The following RGS7BP variants were observed in gnomAD, a reference collection of about 807,000 sequenced individuals.
RGS7BP encodes regulator of G protein signaling 7-binding protein.
A neutral mutation model predicts 31.3 loss-of-function variants in RGS7BP; 9 were observed. The observed-to-expected ratio is 0.29, with a 90% CI of 0.17 to 0.50. The LOEUF is 0.50. Among genes scored for constraint, RGS7BP ranks in the 20% least tolerant of loss-of-function variants. The pLI is 0.98. For missense variants in RGS7BP, 274 were observed against 322.0 expected, an observed-to-expected ratio of 0.85 and a Z score of 1.14; for synonymous variants, 115 against 120.1, an observed-to-expected ratio of 0.96 and a Z score of 0.28.
chr5:64,516,056 A>C (rs1748965201), intron 2 of RGS7BP, among the ~76,000 whole-genome samples: 2 of 152,250 alleles, frequency 1.3e-5, no homozygotes, highest in South Asian at 4.1e-4. Flanking sequence ...CTCCCAGTTA[A>C]GCCTCCCAAA....
chr5:64,507,812 C>T lies in RGS7BP; in HGVS notation c.267C>T (p.His89=), dbSNP rs763948683. The part of the protein sequence containing the change: ...VSCPSLRAEM[H]KTRTKGCEMA... ...GCCCCTCACTCCGGGCGGAAATGCA[C>T]AAGACAAGAACCAAAGGCTGTGAAA... Residue 89 remains histidine (H), a synonymous_variant, in exon 2 of 6, where the codon CAC becomes CAT. Transcript: ENST00000334025. 5 of 1,613,820 alleles carry T rather than the reference C, an allele frequency of 3.1e-6. No homozygotes were observed. The highest frequency in any genetic ancestry group is 4.2e-6 in the Non-Finnish European group (5 of 1,179,976).
At chr5:64,569,636 GATGT>G (rs1742258318) in intron 2 of RGS7BP, among the ~76,000 whole-genome samples, 1 of 152,102 alleles carries the variant, frequency 6.6e-6, no homozygotes, top group Non-Finnish European at 1.5e-5. Flanking sequence ...TGATTACGTA[GATGT>G]ATGGGACCAC....
At chr5:64,604,352 A>G (rs1314888538) in intron 5 of RGS7BP, among the ~76,000 whole-genome samples, 1 of 152,040 alleles carries the variant, frequency 6.6e-6, no homozygotes, top group Non-Finnish European at 1.5e-5. Context: ...CCTGCCTGGC[A>G]TTCTCATAGC....
chr5:64,538,705 CGCACCATGCCCA>C (rs70983629), intron 2 of RGS7BP, among the ~76,000 whole-genome samples: 6,178 of 151,644 alleles, frequency 0.041, 223 homozygotes, highest in Non-Finnish European at 0.06. Context: ...TACAGGCACC[CGCACCATGCCCA>C]GCTAATTTTT....
In RGS7BP at chr5:64,558,102, C is replaced by A. The variant is rs1741970032; in HGVS notation, c.333-17672C>A. On this transcript the variant is annotated intron_variant, in intron 2 of 5. Transcript: ENST00000334025. The stretch of plus-strand genomic sequence containing the variant: ...GTGCCTGTCATGTGGGATGCCATAT[C>A]ACTGTGGGCCTGGAGCCTCCCATGG... Among the ~76,000 whole-genome samples, 12 of 152,234 alleles carry A rather than the reference C, an allele frequency of 7.9e-5. No individual in the cohort carries two copies. The South Asian group carries it at 2.5e-3, about 32-fold the overall frequency.
chr5:64,598,256 G>A (rs1743127444), intron 4 of RGS7BP, 109 bp from the exon 5 acceptor site: 2 of 687,678 alleles, frequency 2.9e-6, no homozygotes, highest in African/African-American at 1.8e-5. Context: ...TAGAGCTAGT[G>A]CAATTAGACA....
chr5:64,607,594 T>G (rs1243743744), intron 5 of RGS7BP, among the ~76,000 whole-genome samples: 1 of 152,054 alleles, frequency 6.6e-6, no homozygotes, highest in African/African-American at 2.4e-5. Context: ...TAGGGGGTTA[T>G]GGAGACCAAG....
intron 4 of RGS7BP, 71 bp from the exon 5 acceptor site, chr5:64,598,294 A>G (rs1743128380): frequency 4.5e-6 from 4 of 882,110 alleles, no homozygotes; most frequent in Non-Finnish European, 7.8e-6. Context: ...GTTGTCTCAT[A>G]TAACAGATTG....
chr5:64,588,514 GC>G (rs1353851938), intron 3 of RGS7BP, among the ~76,000 whole-genome samples: 1 of 152,104 alleles, frequency 6.6e-6, no homozygotes, highest in African/African-American at 2.4e-5. Context: ...TGGCCCTTTT[GC>G]TCCTCACTGT....
At chr5:64,580,073 T>C (rs1446044827) in intron 3 of RGS7BP, among the ~76,000 whole-genome samples, 3 of 152,184 alleles carry the variant, frequency 2.0e-5, no homozygotes, top group Non-Finnish European at 4.4e-5. Flanking sequence ...GTTAAAAGAA[T>C]AAGAATACTT....
chr5:64,594,625 A>G, intron 3 of RGS7BP, 85 bp from the exon 4 acceptor site: 2 of 1,344,560 alleles, frequency 1.5e-6, no homozygotes, highest in Non-Finnish European at 2.1e-6. Flanking sequence ...AGCATAGCCA[A>G]CCTTAGCACT....
intron 4 of RGS7BP, among the ~76,000 whole-genome samples, chr5:64,597,072 G>A (rs1275343119): frequency 6.6e-6 from 1 of 152,122 alleles, no homozygotes. Flanking sequence ...ATTAAAGGAT[G>A]CATCTGCTTT....
At position 64,575,582 on chromosome 5, in the gene RGS7BP, C is replaced by T. The variant is rs1485679207; in HGVS notation, c.333-192C>T. On this transcript the variant is annotated intron_variant, in intron 2 of 5. Transcript: ENST00000334025. ...TGCTGAAGGGGAAAAAAATTAAGAA[C>T]TGTTAGTCAGAAAGAGACTTACATA... 2.9e-6 allele frequency: 3 copies of T among 1,041,216 alleles called. No individual in the cohort carries two copies. The African/African-American group carries it at 5.0e-5, about 17-fold the overall frequency. The allele number at this position is 1,041,216 out of a possible 1,614,324, so 64.5% of individuals were successfully genotyped here.
chr5:64,528,225 T>C lies in RGS7BP; in HGVS notation c.332+20348T>C, dbSNP rs557918056. On this transcript the variant is annotated intron_variant, in intron 2 of 5. Transcript: ENST00000334025. ...TCCTGGCGGGGCTGCCCTCATTTCA[T>C]TGGAGAGAATAATGAGAGAGGAAGC... Among the ~76,000 whole-genome samples, 246 of 152,170 alleles carry C rather than the reference T, an allele frequency of 1.6e-3. 1 individual carries two copies. Among genetic ancestry groups the C allele is most frequent in the Non-Finnish European group, 3.1e-3 (209 of 67,994 alleles).
At chr5:64,567,195 A>G (rs1231274116) in intron 2 of RGS7BP, among the ~76,000 whole-genome samples, 2 of 138,186 alleles carry the variant, frequency 1.4e-5, no homozygotes, top group Middle Eastern at 0.011. Context: ...TGGACCACTA[A>G]TGCGGTCCAT....
At chr5:64,508,085 G>C (rs1233805753) in intron 2 of RGS7BP, among the ~76,000 whole-genome samples, 1 of 152,168 alleles carries the variant, frequency 6.6e-6, no homozygotes, top group Non-Finnish European at 1.5e-5. Flanking sequence ...TATATATTTA[G>C]AAGATTTGGA....
At chr5:64,536,691 T>C (rs911561640) in intron 2 of RGS7BP, among the ~76,000 whole-genome samples, 40 of 152,244 alleles carry the variant, frequency 2.6e-4, no homozygotes, top group Non-Finnish European at 8.8e-5. Flanking sequence ...ACCTATTGAC[T>C]AATGCCTTGT....
In RGS7BP at chr5:64,513,331, G is replaced by C. The variant is rs191383051; in HGVS notation, c.332+5454G>C. ...TCCTTTTCTCCTTCTCTTTCCTCAT[G>C]TTCTTTCCTTCTCTTCCTTCTCCTC... On this transcript the variant is annotated intron_variant, in intron 2 of 5. Coordinates refer to ENST00000334025, the MANE Select transcript of RGS7BP (RefSeq NM_001029875.3). Among the ~76,000 whole-genome samples, 4 of 152,088 alleles carry C rather than the reference G, an allele frequency of 2.6e-5. No individual in the cohort carries two copies. In the East Asian group the frequency reaches 5.8e-4, roughly 22 times the overall value.
intron 2 of RGS7BP, among the ~76,000 whole-genome samples, chr5:64,560,233 C>T (rs1473181538): frequency 6.6e-6 from 1 of 152,116 alleles, no homozygotes; most frequent in South Asian, 2.1e-4. Flanking sequence ...TTGTAACAGA[C>T]TAACCCAGTG....
Sources: allele counts gnomAD v4.1 joint callset (sites outside exome capture counted in the v4.1 genomes callset), GRCh38; gene constraint gnomAD v4.1.1; transcripts MANE v1.5; gene names NCBI Gene and HGNC (gene_info 2026-07-23, HGNC 2026-07-21).